FBXO39: variants seen among roughly 807,000 people sequenced by gnomAD.
FBXO39 encodes the protein F-box protein 39.
Under a neutral mutation model 36.6 loss-of-function variants are expected in FBXO39, and 22 were observed. The observed-to-expected ratio is 0.60, with a 90% CI of 0.43 to 0.86. FBXO39 has a LOEUF of 0.86. Ranked by LOEUF, FBXO39 falls within the 40% of genes least tolerant of loss-of-function variation. The probability of loss-of-function intolerance (pLI) is 0.00; values close to 1 mark genes in which losing one functional copy is unlikely to be tolerated. For synonymous variants in FBXO39, 206 were observed against 205.8 expected, an observed-to-expected ratio of 1.00 and a Z score of -0.01; for missense variants, 536 against 543.9, an observed-to-expected ratio of 0.99 and a Z score of 0.14.
chr17:6,785,653 G>GA (rs149349043), intron 2 of FBXO39, among the ~76,000 whole-genome samples: 9,964 of 150,386 alleles, frequency 0.066, 968 homozygotes, highest in African/African-American at 0.21. Flanking sequence ...AACTCTATAG[G>GA]AAAAAAAAAT....
chr17:6,786,014 A>G (rs1483046781), intron 2 of FBXO39, among the ~76,000 whole-genome samples: 2 of 152,228 alleles, frequency 1.3e-5, no homozygotes. Context: ...GTATACCCCA[A>G]AGAAAGAAAG....
At chr17:6,787,180 T>C (rs1318186684) in intron 3 of FBXO39, 120 bp from the exon 4 acceptor site, 1 of 1,462,044 alleles carries the variant, frequency 6.8e-7, no homozygotes, top group East Asian at 2.5e-5. Context: ...ACTGTATGTG[T>C]AGATCATTTA....
At chr17:6,781,580 G>C (rs1365717481) in intron 2 of FBXO39, among the ~76,000 whole-genome samples, 3 of 152,160 alleles carry the variant, frequency 2.0e-5, no homozygotes, top group African/African-American at 4.8e-5. Flanking sequence ...CAAAGGTGGG[G>C]TACGGCAGAC....
chr17:6,780,313 T>C lies in FBXO39; in HGVS notation c.445T>C (p.Phe149Leu). ...ATGGAGGAACAGCATCAGGAGCTCA[T>C]TCATCAGCAGCTTGAGCTTCTTCTT... ...LVWRNSIRSS[F>L]ISSLSFFLKK... Residue 149 changes from phenylalanine to leucine, a missense_variant, in exon 2 of 4, where the codon TTC becomes CTC. Transcript: ENST00000321535. The C allele has an allele frequency of 1.2e-6, 2 of 1,614,124 alleles. No homozygotes were observed. The highest frequency in any genetic ancestry group is 1.7e-6 in the Non-Finnish European group (2 of 1,180,014).
At chr17:6,779,406 T>TA (rs909642552) in intron 1 of FBXO39, among the ~76,000 whole-genome samples, 1 of 152,200 alleles carries the variant, frequency 6.6e-6, no homozygotes, top group African/African-American at 2.4e-5. Flanking sequence ...CCTCATCCAC[T>TA]ACCACTAGGC....
intron 2 of FBXO39, among the ~76,000 whole-genome samples, chr17:6,782,428 G>T (rs1462763466): frequency 6.6e-6 from 1 of 152,080 alleles, no homozygotes; most frequent in Non-Finnish European, 1.5e-5. Context: ...TCCCTACTTA[G>T]TAATAACATT....
intron 1 of FBXO39, among the ~76,000 whole-genome samples, chr17:6,777,516 G>A (rs1810089): frequency 0.17 from 26,153 of 152,062 alleles, 2,509 homozygotes; most frequent in African/African-American, 0.24. Context: ...TCATTGATGG[G>A]CATTTGGGTT....
At position 6,785,247 on chromosome 17, in the gene FBXO39, G is replaced by A. The variant is rs187334688; in HGVS notation, c.1024-1533G>A. On this transcript the variant is annotated intron_variant, in intron 2 of 3. Coordinates refer to ENST00000321535, the MANE Select transcript of FBXO39 (RefSeq NM_153230.3). ...CAAAACCATACATTGGGAAAAGGAC[G>A]ATCTCCTCTTCAGTAAATGGTGCTA... is the stretch of plus-strand genomic sequence containing the variant. Among the ~76,000 whole-genome samples, 73 of 152,168 alleles carry A rather than the reference G, an allele frequency of 4.8e-4. 1 individual carries two copies. The highest frequency in any genetic ancestry group is 1.5e-5 in the Non-Finnish European group (1 of 67,982).
At chr17:6,778,788 C>T (rs867232793) in intron 1 of FBXO39, among the ~76,000 whole-genome samples, 1 of 152,202 alleles carries the variant, frequency 6.6e-6, no homozygotes, top group Admixed American at 6.5e-5. Flanking sequence ...AGCAGGCCTT[C>T]GCTCAGATCT....
intron 2 of FBXO39, among the ~76,000 whole-genome samples, chr17:6,781,865 T>C (rs886305695): frequency 1.8e-4 from 27 of 152,084 alleles, no homozygotes; most frequent in Admixed American, 1.5e-3. Flanking sequence ...AGTTCTTCAA[T>C]CTGAAAGAAA....
At chr17:6,779,349 T>G (rs1976473966) in intron 1 of FBXO39, among the ~76,000 whole-genome samples, 1 of 152,196 alleles carries the variant, frequency 6.6e-6, no homozygotes, top group Non-Finnish European at 1.5e-5. Context: ...CATTCACAGT[T>G]CTGTGGCTTT....
intron 2 of FBXO39, among the ~76,000 whole-genome samples, chr17:6,782,491 T>C (rs1389760763): frequency 6.6e-6 from 1 of 151,918 alleles, no homozygotes; most frequent in Non-Finnish European, 1.5e-5. Flanking sequence ...GCTGAACAGA[T>C]TAAAAAGAAA....
chr17:6,779,020 T>G (rs913780048), intron 1 of FBXO39, among the ~76,000 whole-genome samples: 3 of 152,160 alleles, frequency 2.0e-5, no homozygotes, highest in Non-Finnish European at 4.4e-5. Context: ...CAATCAACCT[T>G]CATGGCTCTC....
chr17:6,781,796 T>G (rs187987968), intron 2 of FBXO39, among the ~76,000 whole-genome samples: 3 of 152,254 alleles, frequency 2.0e-5, no homozygotes, highest in Admixed American at 1.3e-4. Flanking sequence ...ATGTCCCTTA[T>G]CTAAAAAGCC....
chr17:6,777,131 G>T lies in FBXO39; in HGVS notation c.-81+859G>T, dbSNP rs1418991919. On this transcript the variant is annotated intron_variant, in intron 1 of 3. Coordinates refer to ENST00000321535, the MANE Select transcript of FBXO39 (RefSeq NM_153230.3). ...TTATACTTTAAGTTCTGGGATACAT[G>T]TGCAGAACATGCAGGTTTGTTACAT... 2.0e-5 allele frequency among the ~76,000 whole-genome samples: 3 copies of T among 152,124 alleles called. No homozygotes were observed. The South Asian group carries it at 6.2e-4, about 32-fold the overall frequency.
In FBXO39 at chr17:6,780,067, C is replaced by T; in HGVS notation, c.199C>T (p.Pro67Ser). 1 of 1,614,174 alleles carries T rather than the reference C, an allele frequency of 6.2e-7. No homozygotes were observed. Among genetic ancestry groups the T allele is most frequent in the South Asian group, 1.1e-5 (1 of 91,082 alleles). ...RYRTITFSGRPSRVHASEVES... is the reference protein window; with the variant it reads ...RYRTITFSGRSSRVHASEVES... ...CAGAACCATCACCTTCAGCGGGAGA[C>T]CTTCCAGGGTACATGCATCTGAAGT... Residue 67 changes from proline to serine, a missense_variant, in exon 2 of 4, where the codon CCT (proline) becomes TCT (serine). Physicochemically the swap from Pro to Ser is moderately conservative, Grantham distance 74. Transcript: ENST00000321535.
At chr17:6,787,240 GT>G in intron 3 of FBXO39, 59 bp from the exon 4 acceptor site, 1 of 1,237,956 alleles carries the variant, frequency 8.1e-7, no homozygotes, top group Non-Finnish European at 1.1e-6. Context: ...GTGTGTGTAT[GT>G]GTGTGTGTGT....
chr17:6,781,245 CATGCAGGAGACCCTGTGGCTCCT>C (rs1288683014), intron 2 of FBXO39, among the ~76,000 whole-genome samples: 1 of 152,206 alleles, frequency 6.6e-6, no homozygotes, highest in Non-Finnish European at 1.5e-5. Flanking sequence ...GTCACAGCAG[CATGCAGGAGACCCTGTGGCTCCT>C]ATGGTCAGAT....
rs1422424409 is a variant in FBXO39, at chr17:6,780,788, C to T, written c.920C>T (p.Pro307Leu). Residue 307 changes from proline (P) to leucine (L), a missense_variant, in exon 2 of 4, where the codon CCG becomes CTG. Physicochemically the swap from Pro to Leu is moderately conservative, Grantham distance 98. Coordinates refer to ENST00000321535, the MANE Select transcript of FBXO39 (RefSeq NM_153230.3). ...RLARILLQEI[P>L]IRSISLRSCY... ...GCCCGAATCCTCTTGCAGGAGATCCCGATCAGGAGCATCAGTCTGAGAAGC... is the reference window on the plus strand; with the variant it reads ...GCCCGAATCCTCTTGCAGGAGATCCTGATCAGGAGCATCAGTCTGAGAAGC... 13 of 1,614,068 alleles carry T rather than the reference C, an allele frequency of 8.1e-6. No individual in the cohort carries two copies. Among genetic ancestry groups the T allele is most frequent in the African/African-American group, 2.7e-5 (2 of 75,012 alleles).
Sources: allele counts gnomAD v4.1 joint callset (sites outside exome capture counted in the v4.1 genomes callset), GRCh38; gene constraint gnomAD v4.1.1; transcripts MANE v1.5; gene names NCBI Gene and HGNC (gene_info 2026-07-23, HGNC 2026-07-21).